The following SERPINB9 variants were observed in gnomAD, a reference collection of about 807,000 sequenced individuals.
The protein encoded by SERPINB9 is serpin family B member 9.
In SERPINB9, 20 loss-of-function variants were observed where a neutral mutation model predicts 27.2. The observed-to-expected ratio is 0.74, with a 90% confidence interval of 0.52 to 1.07. The LOEUF is 1.07. Among genes scored for constraint, SERPINB9 ranks in the 50% least tolerant of loss-of-function variants. The pLI is 0.00. For synonymous variants in SERPINB9, 189 were observed against 180.0 expected (o/e 1.05, Z -0.40); for missense variants, 476 against 460.1 (o/e 1.03, Z -0.32).
chr6:2,890,875 G>C lies in SERPINB9; in HGVS notation c.724-305C>G, dbSNP rs551493451. Among the ~76,000 whole-genome samples the C allele has an allele frequency of 6.6e-6, 1 of 150,674 alleles. No homozygotes were observed. The highest frequency in any genetic ancestry group is 1.5e-5 in the Non-Finnish European group (1 of 67,622). On this transcript the variant is annotated intron_variant, in intron 6 of 6. Coordinates refer to ENST00000380698, the MANE Select transcript of SERPINB9 (RefSeq NM_004155.6). This position sits in a 1 kb window ranked among gnomAD's most constrained non-coding sequence, Gnocchi z 6.2. ...CAAGTGTCAATGCCCAGGCGACTGTGTTTTTTTTTCAAACATAGTCTTTTT... is the reference window on the plus strand; with the variant it reads ...CAAGTGTCAATGCCCAGGCGACTGTCTTTTTTTTTCAAACATAGTCTTTTT...
chr6:2,896,787 C>T (rs755968341), intron 2 of SERPINB9, among the ~76,000 whole-genome samples: 4 of 152,120 alleles, frequency 2.6e-5, no homozygotes, highest in Non-Finnish European at 4.4e-5. Flanking sequence ...TGAAAATCAC[C>T]TACAAAATAT....
chr6:2,890,195 T>C lies in SERPINB9; in HGVS notation c.1099A>G (p.Ile367Val). Residue 367 changes from isoleucine to valine, a missense_variant, in exon 7 of 7, where the codon ATT becomes GTT. By Grantham distance (29) the Ile-to-Val change is conservative. Transcript: ENST00000380698. The surrounding 1 kb of genome is among the most constrained non-coding windows in gnomAD (Gnocchi z 6.2). ...FFIRHNRANS[I>V]LFCGRFSSP is the part of the protein sequence containing the mutation. ...GATGAGAACCTGCCACAGAACAGAA[T>C]GCTGTTGGCTCTGTTGTGCCTGATG... The C allele has an allele frequency of 6.2e-7, 1 of 1,614,118 alleles. No homozygotes were observed. The highest frequency in any genetic ancestry group is 8.5e-7 in the Non-Finnish European group (1 of 1,180,012).
chr6:2,895,808 AAAG>A (rs1399256480), intron 3 of SERPINB9, among the ~76,000 whole-genome samples: 1 of 152,142 alleles, frequency 6.6e-6, no homozygotes, highest in Non-Finnish European at 1.5e-5. Flanking sequence ...TTAAAAAAAA[AAAG>A]AAGTTTAGGC....
intron 2 of SERPINB9, among the ~76,000 whole-genome samples, chr6:2,896,649 C>T (rs1326782824): frequency 6.6e-6 from 1 of 152,150 alleles, no homozygotes. Flanking sequence ...AAATATATCA[C>T]ACATATTGGG....
Position 2,890,691 on chromosome 6 carries a change from G to A in SERPINB9, c.724-121C>T. 1 of 925,454 alleles carries A rather than the reference G, an allele frequency of 1.1e-6. No homozygotes were observed. Among genetic ancestry groups the A allele is most frequent in the South Asian group, 1.7e-5 (1 of 58,880 alleles). The allele number at this position is 925,454 out of a possible 1,614,324, so 57.3% of individuals were successfully genotyped here. The stretch of plus-strand genomic sequence containing the variant: ...TGTTGTTTGTTCACATAGGATCAGT[G>A]GCCCCTTCATCTGCCAGAAGCTTGT... On this transcript the variant is annotated intron_variant, in intron 6 of 6. Coordinates refer to ENST00000380698, the MANE Select transcript of SERPINB9 (RefSeq NM_004155.6). This position sits in a 1 kb window ranked among gnomAD's most constrained non-coding sequence, Gnocchi z 6.2.
Position 2,903,066 on chromosome 6 carries a change from G to C in SERPINB9, c.-11+135C>G, listed in dbSNP as rs1478386176. ...CAGAGACCGTTGCTGACCCCACCGA[G>C]AAGGCACCGCCTCCCCGGGGCTCTT... On this transcript the variant is annotated intron_variant, in intron 1 of 6. Transcript: ENST00000380698. This position sits in a 1 kb window ranked among gnomAD's most constrained non-coding sequence, Gnocchi z 5.2. 1 of 152,302 alleles carries C rather than the reference G, an allele frequency of 6.6e-6. No homozygotes were observed. Among genetic ancestry groups the C allele is most frequent in the African/African-American group, 2.4e-5 (1 of 41,450 alleles). The allele number at this position is 152,302 out of a possible 1,614,324, so 9.4% of individuals were successfully genotyped here.
chr6:2,900,031 G>A (rs990575320), intron 2 of SERPINB9: 1 of 428,178 alleles, frequency 2.3e-6, no homozygotes, highest in Non-Finnish European at 4.7e-6. Flanking sequence ...TCCCTGAGCT[G>A]TTGGTACAGA....
In SERPINB9 at chr6:2,893,428, G is replaced by A. The variant is rs1767893604; in HGVS notation, c.550C>T (p.Pro184Ser). 2 of 1,609,602 alleles carry A rather than the reference G, an allele frequency of 1.2e-6. No homozygotes were observed. The highest frequency in any genetic ancestry group is 2.2e-5 in the East Asian group (1 of 44,706). ...TCCCCCACCTGGTTTATTTTAAAGG[G>A]CATTTCCCTTGTGTATGTTTCGTCA... ...PFDETYTREM[P>S]FKINQEEQRP... The change falls in exon 5 of 7, where the codon CCC (proline) becomes TCC (serine). Residue 184 changes from proline (P) to serine (S), a missense_variant. By Grantham distance (74) the Pro-to-Ser change is moderately conservative. Transcript: ENST00000380698.
In SERPINB9 at chr6:2,900,481, A is replaced by T. The variant is rs774740807; in HGVS notation, c.131T>A (p.Leu44Gln). ...SISSALAMVL[L>Q]GAKGNTATQM... Reference sequence around the variant, plus strand: ...GGTTGCGGTGTTTCCCTTTGCCCCTAGGAGAACCATGGCCAGGGCAGAGGA... The same window carrying T: ...GGTTGCGGTGTTTCCCTTTGCCCCTTGGAGAACCATGGCCAGGGCAGAGGA... The change falls in exon 2 of 7, where the codon CTA becomes CAA. Residue 44 changes from leucine (L) to glutamine (Q), a missense_variant. Physicochemically the swap from Leu to Gln is moderately radical, Grantham distance 113. Coordinates refer to ENST00000380698, the MANE Select transcript of SERPINB9 (RefSeq NM_004155.6). 9 of 1,613,990 alleles carry T rather than the reference A, an allele frequency of 5.6e-6. No individual in the cohort carries two copies. Among genetic ancestry groups the T allele is most frequent in the Non-Finnish European group, 6.8e-6 (8 of 1,179,990 alleles).
intron 1 of SERPINB9, 122 bp from the exon 2 acceptor site, chr6:2,900,743 T>G: frequency 2.2e-6 from 2 of 896,032 alleles, no homozygotes; most frequent in Non-Finnish European, 1.7e-6. Context: ...GTAAGTATTT[T>G]AAATTGGAGA....
In SERPINB9 at chr6:2,891,385, G is replaced by C. The variant is rs1261987901; in HGVS notation, c.723+448C>G. Among the ~76,000 whole-genome samples, 1 of 152,154 alleles carries C rather than the reference G, an allele frequency of 6.6e-6. No individual in the cohort carries two copies. The highest frequency in any genetic ancestry group is 1.5e-5 in the Non-Finnish European group (1 of 68,022). On this transcript the variant is annotated intron_variant, in intron 6 of 6. Transcript: ENST00000380698. This position sits in a 1 kb window ranked among gnomAD's most constrained non-coding sequence, Gnocchi z 4.0. ...GCTAAGAATGATGATTGTAATAATGGATCACATTTGTAGAGCATTTACTAG... is the reference window on the plus strand; with the variant it reads ...GCTAAGAATGATGATTGTAATAATGCATCACATTTGTAGAGCATTTACTAG...
At position 2,893,527 on chromosome 6, in the gene SERPINB9, T is replaced by A; in HGVS notation, c.451A>T (p.Ser151Cys). The A allele has an allele frequency of 6.2e-7, 1 of 1,612,682 alleles. No homozygotes were observed. The highest frequency in any genetic ancestry group is 8.5e-7 in the Non-Finnish European group (1 of 1,179,200). The change falls in exon 5 of 7, where the codon AGC (serine) becomes TGC (cysteine). Residue 151 changes from serine to cysteine, a missense_variant. Physicochemically the swap from Ser to Cys is moderately radical, Grantham distance 112. Transcript: ENST00000380698. The part of the protein sequence containing the change: ...EGKIEELLPG[S>C]SIDAETRLVL... ...AGCCTGGTTTCTGCATCAATTGAGCTACCCGGCAACAACTCTTCAATTTTA... is the reference window on the plus strand; with the variant it reads ...AGCCTGGTTTCTGCATCAATTGAGCAACCCGGCAACAACTCTTCAATTTTA...
At chr6:2,895,673 T>G (rs1445131996) in intron 3 of SERPINB9, among the ~76,000 whole-genome samples, 165 bp from the exon 4 acceptor site, 1 of 152,062 alleles carries the variant, frequency 6.6e-6, no homozygotes, top group African/African-American at 2.4e-5. Context: ...TGTGAATAGG[T>G]ATGTATTGAA....
intron 2 of SERPINB9, among the ~76,000 whole-genome samples, chr6:2,897,801 T>A (rs1355979241): frequency 6.6e-6 from 1 of 152,084 alleles, no homozygotes; most frequent in South Asian, 2.1e-4. Context: ...AGTAAAGTTA[T>A]ATGTGAAAAA....
chr6:2,900,374 T>G, intron 2 of SERPINB9, 70 bp downstream of exon 2: 5 of 1,556,964 alleles, frequency 3.2e-6, no homozygotes, highest in Non-Finnish European at 4.4e-6. Context: ...CTCTGGAGTG[T>G]GAGTGTGAAG....
rs115249079 is a variant in SERPINB9 at position 2,894,701 on chromosome 6, T to C, written c.424+690A>G. Among the ~76,000 whole-genome samples the C allele has an allele frequency of 5.7e-4, 87 of 152,192 alleles. No individual in the cohort carries two copies. The highest frequency in any genetic ancestry group is 2.0e-3 in the African/African-American group (81 of 41,526). On this transcript the variant is annotated intron_variant, in intron 4 of 6. Transcript: ENST00000380698. This position sits in a 1 kb window ranked among gnomAD's most constrained non-coding sequence, Gnocchi z 4.7. ...TGTGAATGTTACAGGCCAGGGAGAG[T>C]ATATTTTAATGCAAGTTATTAAACT...
intron 5 of SERPINB9, among the ~76,000 whole-genome samples, chr6:2,892,343 AAT>A (rs1491044062): frequency 6.6e-6 from 1 of 152,148 alleles, no homozygotes; most frequent in Non-Finnish European, 1.5e-5. Context: ...ATTAGAAAAA[AAT>A]GTGTATTGTT....
At chr6:2,898,183 G>T (rs1342059481) in intron 2 of SERPINB9, among the ~76,000 whole-genome samples, 2 of 151,694 alleles carry the variant, frequency 1.3e-5, no homozygotes, top group African/African-American at 4.8e-5. Context: ...TTCTAAAAAG[G>T]CTTAGATGAT....
At chr6:2,895,098 T>C (rs527460715) in intron 4 of SERPINB9, among the ~76,000 whole-genome samples, 102 of 152,310 alleles carry the variant, frequency 6.7e-4, no homozygotes, top group African/African-American at 2.4e-3. Context: ...CCTGGGAGAA[T>C]AGACAAAAGT....
Sources: gnomAD v4.1 joint callset for allele counts (sites outside exome capture counted in the v4.1 genomes callset) on GRCh38, gnomAD v4.1.1 for gene constraint, Gnocchi (gnomAD v3.1) non-coding constraint, MANE v1.5 for transcripts, NCBI Gene and HGNC (gene_info 2026-07-23, HGNC 2026-07-21) for gene names.